KMO: variants seen among roughly 807,000 people sequenced by gnomAD.
KMO encodes kynurenine 3-monooxygenase.
KMO carries 24 observed loss-of-function variants against 57.8 expected under a neutral mutation model. The observed-to-expected ratio is 0.42, with a 90% CI of 0.30 to 0.58. KMO has a LOEUF of 0.58. Ranked by LOEUF, KMO falls within the 20% of genes least tolerant of loss-of-function variation. The probability of loss-of-function intolerance (pLI) is 0.22; values close to 1 mark genes in which losing one functional copy is unlikely to be tolerated. For missense variants in KMO, 483 were observed against 588.2 expected (o/e 0.82, Z 1.85); for synonymous variants, 210 against 193.6 (o/e 1.08, Z -0.70).
intron 1 of KMO, among the ~76,000 whole-genome samples, chr1:241,544,960 G>C (rs1350398444): frequency 1.3e-5 from 2 of 152,078 alleles, no homozygotes; most frequent in African/African-American, 4.8e-5. Flanking sequence ...ATTAAACATT[G>C]ATACATTTAT....
chr1:241,561,854 A>G (rs2147960621), intron 6 of KMO, among the ~76,000 whole-genome samples: 1 of 152,262 alleles, frequency 6.6e-6, no homozygotes, highest in Non-Finnish European at 1.5e-5. Flanking sequence ...ATTCATTCGT[A>G]CACTTGGAAC....
intron 7 of KMO, among the ~76,000 whole-genome samples, chr1:241,564,623 G>A (rs969746412): frequency 2.6e-5 from 4 of 151,892 alleles, no homozygotes; most frequent in African/African-American, 9.7e-5. Context: ...ATACACACAT[G>A]TACACATCTA....
chr1:241,569,109 C>A (rs543684157), intron 10 of KMO, among the ~76,000 whole-genome samples: 1 of 151,874 alleles, frequency 6.6e-6, no homozygotes, highest in East Asian at 1.9e-4. Context: ...ATGTATATGA[C>A]CATATCAGGG....
intron 9 of KMO, among the ~76,000 whole-genome samples, chr1:241,567,388 G>C (rs2147966311): frequency 6.6e-6 from 1 of 152,238 alleles, no homozygotes; most frequent in South Asian, 2.1e-4. Flanking sequence ...TGCTGGAAGG[G>C]GCATGGGATC....
In KMO at chr1:241,568,583, A is replaced by G. The variant is rs1399638355; in HGVS notation, c.893A>G (p.His298Arg). Residue 298 changes from histidine to arginine, a missense_variant, in exon 10 of 15, where the codon CAC (histidine) becomes CGC (arginine). By Grantham distance (29) the His-to-Arg change is conservative. This residue lies in a region of KMO where 410 missense variants were observed against 492.3 expected (regional missense o/e 0.83). Transcript: ENST00000366559. ...VKCSSFHFKS[H>R]CVLLGDAAHA... ...TGCTCTTCATTTCACTTTAAATCTC[A>G]CTGTGTACTGCTGGGAGATGCAGCT... 6.2e-7 allele frequency: 1 copy of G among 1,612,498 alleles called. No individual in the cohort carries two copies. Among genetic ancestry groups the G allele is most frequent in the East Asian group, 2.2e-5 (1 of 44,860 alleles).
intron 7 of KMO, among the ~76,000 whole-genome samples, chr1:241,562,870 G>A (rs868322621): frequency 1.2e-4 from 2 of 16,188 alleles, no homozygotes; most frequent in Non-Finnish European, 3.7e-4. Flanking sequence ...AAAGAAGGAA[G>A]GAAGGAAGGA....
In KMO at chr1:241,592,113, TG is replaced by T. The variant is rs776090297; in HGVS notation, c.1423del (p.Asp475ThrfsTer3). 6.8e-6 allele frequency: 11 copies of T among 1,613,896 alleles called. No homozygotes were observed. The South Asian group carries it at 1.2e-4, about 18-fold the overall frequency. ...RNTTCFPAKA[V>X]DSLEQISNLI... ...ACAACATGTTTCCCCGCAAAGGCCG[TG>T]GACTCCCTAGAACAAATTTCCAATC... On this transcript the variant is annotated frameshift_variant, in exon 15 of 15. Transcript: ENST00000366559. LOFTEE classifies it low-confidence loss of function (END_TRUNC).
intron 10 of KMO, among the ~76,000 whole-genome samples, chr1:241,586,057 T>C (rs1213242281): frequency 6.6e-6 from 1 of 152,128 alleles, no homozygotes; most frequent in Non-Finnish European, 1.5e-5. Context: ...TATAATGATT[T>C]CTTCTTCTCA....
Position 241,594,938 on chromosome 1 carries a change from T to C in KMO, c.*2785T>C, listed in dbSNP as rs1203666126. The C allele has an allele frequency of 2.3e-6, 1 of 434,894 alleles. No individual in the cohort carries two copies. Among genetic ancestry groups the C allele is most frequent in the Non-Finnish European group, 4.1e-6 (1 of 244,114 alleles). The allele number at this position is 434,894 out of a possible 1,614,324, so 26.9% of individuals were successfully genotyped here. On this transcript the variant is annotated 3_prime_UTR_variant, in exon 15 of 15. Transcript: ENST00000366559. ...TCAATACCTTGTAATCCTCCAAGCT[T>C]CAATCTGCACACACTTTCTATGAGG...
At chr1:241,532,925 G>A (rs963080680) in intron 1 of KMO, among the ~76,000 whole-genome samples, 1 of 152,130 alleles carries the variant, frequency 6.6e-6, no homozygotes, top group Non-Finnish European at 1.5e-5. Flanking sequence ...AGAATAAAAG[G>A]GTCAAGAAAC....
At chr1:241,574,627 A>C (rs983775687) in intron 10 of KMO, among the ~76,000 whole-genome samples, 1 of 151,906 alleles carries the variant, frequency 6.6e-6, no homozygotes, top group Non-Finnish European at 1.5e-5. Flanking sequence ...CCACTTGAAC[A>C]TAGTGTATTA....
Position 241,592,122 on chromosome 1 carries a change from T to A in KMO, c.1430T>A (p.Leu477Gln). ...TTCCCCGCAAAGGCCGTGGACTCCCTAGAACAAATTTCCAATCTCATTAGC... is the reference window on the plus strand; with the variant it reads ...TTCCCCGCAAAGGCCGTGGACTCCCAAGAACAAATTTCCAATCTCATTAGC... ...TCFPAKAVDSLEQISNLISR is the reference protein window; with the variant it reads ...TCFPAKAVDSQEQISNLISR The change falls in exon 15 of 15, where the codon CTA becomes CAA. Residue 477 changes from leucine to glutamine, a missense_variant. Leu to Gln is a moderately radical substitution (Grantham distance 113). Transcript: ENST00000366559. 1 of 1,613,854 alleles carries A rather than the reference T, an allele frequency of 6.2e-7. No individual in the cohort carries two copies. The highest frequency in any genetic ancestry group is 8.5e-7 in the Non-Finnish European group (1 of 1,179,896).
Position 241,548,856 on chromosome 1 carries a change from G to A in KMO, c.82G>A (p.Ala28Thr), listed in dbSNP as rs1410288907. The stretch of plus-strand genomic sequence containing the variant: ...TGGCTCATTACAAGCATGCTTTCTT[G>A]CAAAGAGGAATTTCCAGATTGATGT... ...LVGSLQACFL[A>T]KRNFQIDVYE... Residue 28 changes from alanine (A) to threonine (T), a missense_variant, in exon 2 of 15, where the codon GCA (alanine) becomes ACA (threonine). By Grantham distance (58) the Ala-to-Thr change is moderately conservative. This residue lies in a region of KMO where 70 missense variants were observed against 78.4 expected (regional missense o/e 0.89). Coordinates refer to ENST00000366559, the MANE Select transcript of KMO (RefSeq NM_003679.5). 6.2e-7 allele frequency: 1 copy of A among 1,605,258 alleles called. No homozygotes were observed. Among genetic ancestry groups the A allele is most frequent in the Non-Finnish European group, 8.5e-7 (1 of 1,172,768 alleles).
intron 10 of KMO, among the ~76,000 whole-genome samples, chr1:241,574,053 C>T (rs1662409947): frequency 6.6e-6 from 1 of 151,908 alleles, no homozygotes; most frequent in African/African-American, 2.4e-5. Context: ...GTAAGCTCTT[C>T]ATTTGATTCT....
At chr1:241,536,338 TGA>T (rs1660750083) in intron 1 of KMO, 1 of 166,682 alleles carries the variant, frequency 6.0e-6, no homozygotes, top group Non-Finnish European at 1.2e-5. Flanking sequence ...CTTTATGAAG[TGA>T]GAGAGAAGTA....
chr1:241,540,608 G>C (rs1468636997), intron 1 of KMO, among the ~76,000 whole-genome samples: 1 of 152,150 alleles, frequency 6.6e-6, no homozygotes, highest in East Asian at 1.9e-4. Flanking sequence ...AATAGTGCAT[G>C]AGATAGTGCA....
Position 241,572,797 on chromosome 1 carries a change from G to A in KMO, c.957+4150G>A, listed in dbSNP as rs904526824. On this transcript the variant is annotated intron_variant, in intron 10 of 14. Coordinates refer to ENST00000366559, the MANE Select transcript of KMO (RefSeq NM_003679.5). Reference sequence around the variant, plus strand: ...GTTTTTTGTCACTCACTCCCCTCTCGTTCACCATTCTGAGTCACCAAAGCC... The same window carrying A: ...GTTTTTTGTCACTCACTCCCCTCTCATTCACCATTCTGAGTCACCAAAGCC... Among the ~76,000 whole-genome samples, 8 of 151,966 alleles carry A rather than the reference G, an allele frequency of 5.3e-5. No individual in the cohort carries two copies. In the East Asian group the frequency reaches 5.8e-4, roughly 11 times the overall value.
chr1:241,594,906 G>A lies in KMO; in HGVS notation c.*2753G>A. On this transcript the variant is annotated 3_prime_UTR_variant, in exon 15 of 15. Coordinates refer to ENST00000366559, the MANE Select transcript of KMO (RefSeq NM_003679.5). ...AATTCTTATTAACCGGAATATGTAG[G>A]ACCATTTCAATACCTTGTAATCCTC... 1.8e-6 allele frequency: 1 copy of A among 546,704 alleles called. No individual in the cohort carries two copies. The highest frequency in any genetic ancestry group is 2.4e-5 in the South Asian group (1 of 41,668). The allele number at this position is 546,704 out of a possible 1,614,324, so 33.9% of individuals were successfully genotyped here.
rs1382585124 is a variant in KMO, at chr1:241,593,309, A to G, written c.*1156A>G. 2 of 404,192 alleles carry G rather than the reference A, an allele frequency of 4.9e-6. No homozygotes were observed. The highest frequency in any genetic ancestry group is 1.1e-5 in the Non-Finnish European group (2 of 180,916). 25.0% of individuals were successfully genotyped at this position (404,192 alleles called of 1,614,324 possible). ...TGCAGCAGAACCAGCAATACACTTG[A>G]TTTTTAAAAGCACATTTAGTGAAAT... On this transcript the variant is annotated 3_prime_UTR_variant, in exon 15 of 15. Transcript: ENST00000366559.
Sources: gnomAD v4.1 joint callset for allele counts (sites outside exome capture counted in the v4.1 genomes callset) on GRCh38, gnomAD v4.1.1 for gene constraint, gnomAD v4.1.1 regional missense constraint, MANE v1.5 for transcripts, NCBI Gene and HGNC (gene_info 2026-07-23, HGNC 2026-07-21) for gene names.